UNC13C: variants seen among roughly 807,000 people sequenced by gnomAD.
UNC13C encodes unc-13 homolog C.
Under a neutral mutation model 245.4 loss-of-function variants are expected in UNC13C, and 174 were observed. The ratio of observed to expected loss-of-function variants is 0.71; its 90% CI spans 0.63 to 0.80. The LOEUF (loss-of-function observed/expected upper bound fraction) is 0.80, where lower values mean the gene tolerates loss of function less well. Ranked by LOEUF, UNC13C falls within the 30% of genes least tolerant of loss-of-function variation. UNC13C has a pLI of 0.00. For missense variants in UNC13C, 2,829 were observed against 2,602.9 expected (o/e 1.09, Z -1.89); for synonymous variants, 992 against 895.1 (o/e 1.11, Z -1.93).
intron 4 of UNC13C, among the ~76,000 whole-genome samples, chr15:54,216,118 A>T (rs1339973162): frequency 1.3e-5 from 2 of 151,904 alleles, no homozygotes. Context: ...AGGAAAGTGG[A>T]CAAGATTGGA....
chr15:54,045,858 G>T (rs1473298839), intron 2 of UNC13C, among the ~76,000 whole-genome samples: 1 of 152,096 alleles, frequency 6.6e-6, no homozygotes, highest in Non-Finnish European at 1.5e-5. Context: ...CAAAATGATG[G>T]TTTTTCTAAT....
intron 1 of UNC13C, among the ~76,000 whole-genome samples, chr15:54,001,025 A>G (rs1307672151): frequency 1.3e-5 from 2 of 152,310 alleles, no homozygotes; most frequent in Non-Finnish European, 2.9e-5. Context: ...TTAGGAGGGT[A>G]ATAGATTTGT....
At chr15:54,099,137 G>A (rs1900034438) in intron 2 of UNC13C, among the ~76,000 whole-genome samples, 1 of 152,162 alleles carries the variant, frequency 6.6e-6, no homozygotes. Context: ...CTTGACAAAG[G>A]GCAGTTTTGT....
At chr15:54,460,983 A>G (rs926324819) in intron 19 of UNC13C, among the ~76,000 whole-genome samples, 1 of 152,048 alleles carries the variant, frequency 6.6e-6, no homozygotes, top group Non-Finnish European at 1.5e-5. Flanking sequence ...AGTGGAACAT[A>G]TTTTATGTTT....
chr15:54,059,771 A>T (rs1444946537), intron 2 of UNC13C, among the ~76,000 whole-genome samples: 1 of 152,206 alleles, frequency 6.6e-6, no homozygotes, highest in Non-Finnish European at 1.5e-5. Context: ...AAATAGAGAT[A>T]TAGACCAATG....
Position 54,533,006 on chromosome 15 carries a change from A to G in UNC13C, c.5636A>G (p.Asn1879Ser), listed in dbSNP as rs758978907. The change falls in exon 26 of 33, where the codon AAC becomes AGC. Residue 1879 changes from asparagine (N) to serine (S), a missense_variant. Asn to Ser is a conservative substitution (Grantham distance 46). Transcript: ENST00000260323. ...AATGGAAACACCACATCTAATAAGA[A>G]CAGTGCAGCAATGGATGCAGAGATT... Reference protein sequence around the residue: ...RANGNTTSNKNSAAMDAEIVL... With the variant: ...RANGNTTSNKSSAAMDAEIVL... The G allele has an allele frequency of 1.9e-6, 3 of 1,601,308 alleles. No homozygotes were observed. Among genetic ancestry groups the G allele is most frequent in the Non-Finnish European group, 2.6e-6 (3 of 1,173,060 alleles).
intron 7 of UNC13C, among the ~76,000 whole-genome samples, chr15:54,243,234 G>A (rs912661044): frequency 4.0e-5 from 6 of 151,872 alleles, no homozygotes; most frequent in African/African-American, 1.5e-4. Flanking sequence ...AACATATGGG[G>A]CTTGGTTTTC....
chr15:54,027,399 C>T (rs1028828087), intron 2 of UNC13C, among the ~76,000 whole-genome samples: 1 of 152,150 alleles, frequency 6.6e-6, no homozygotes, highest in African/African-American at 2.4e-5. Flanking sequence ...GACAGAGTCT[C>T]GCTCTGTCGC....
chr15:54,234,711 G>A (rs1373091598), intron 4 of UNC13C, among the ~76,000 whole-genome samples: 1 of 152,130 alleles, frequency 6.6e-6, no homozygotes, highest in Admixed American at 6.6e-5. Flanking sequence ...CCTCCTGGAG[G>A]TAAGAAGTTC....
At chr15:53,897,621 T>C in the UNC13C span, among the ~76,000 whole-genome samples, 1 of 152,170 alleles carries the variant, frequency 6.6e-6, no homozygotes, top group Admixed American at 6.5e-5. Context: ...CTCAACTGAA[T>C]TGATCCACAA....
chr15:54,218,371 G>C (rs982636160), intron 4 of UNC13C, among the ~76,000 whole-genome samples: 1 of 151,974 alleles, frequency 6.6e-6, no homozygotes, highest in African/African-American at 2.4e-5. Flanking sequence ...GGATAGGGAG[G>C]AGATACTTAT....
intron 10 of UNC13C, among the ~76,000 whole-genome samples, chr15:54,273,709 T>C (rs2036753320): frequency 6.6e-6 from 1 of 152,114 alleles, no homozygotes; most frequent in Admixed American, 6.6e-5. Flanking sequence ...CTGAGTGTAG[T>C]ATTACACTAC....
At chr15:54,020,018 A>C (rs1455627232) in intron 2 of UNC13C, among the ~76,000 whole-genome samples, 1 of 152,164 alleles carries the variant, frequency 6.6e-6, no homozygotes, top group African/African-American at 2.4e-5. Flanking sequence ...ACAATTAAAA[A>C]CATAATAAAA....
At chr15:53,966,332 C>T in the UNC13C span, among the ~76,000 whole-genome samples, 1 of 152,276 alleles carries the variant, frequency 6.6e-6, no homozygotes, top group Non-Finnish European at 1.5e-5. Context: ...GTGATGTAAA[C>T]AACTATCAAT....
intron 10 of UNC13C, among the ~76,000 whole-genome samples, chr15:54,279,886 G>A (rs1410307108): frequency 6.6e-6 from 1 of 152,100 alleles, no homozygotes; most frequent in African/African-American, 2.4e-5. Context: ...GGATGGATGT[G>A]CTCCCTAAAA....
chr15:54,626,265 G>A (rs573797369), intron 32 of UNC13C, among the ~76,000 whole-genome samples: 39 of 151,156 alleles, frequency 2.6e-4, no homozygotes, highest in African/African-American at 8.9e-4. Context: ...GGAAAGAATC[G>A]GCATTGAATC....
chr15:54,111,609 A>C (rs989123086), intron 2 of UNC13C, among the ~76,000 whole-genome samples: 4 of 152,304 alleles, frequency 2.6e-5, no homozygotes, highest in Admixed American at 1.3e-4. Flanking sequence ...TTTAGTTCTG[A>C]GACACTTTGA....
At chr15:54,046,648 T>A (rs971423372) in intron 2 of UNC13C, among the ~76,000 whole-genome samples, 3 of 145,512 alleles carry the variant, frequency 2.1e-5, no homozygotes, top group South Asian at 2.1e-4. Context: ...ACATAGACAC[T>A]TTTTTTTACT....
At chr15:54,374,813 T>C (rs2039570583) in intron 17 of UNC13C, among the ~76,000 whole-genome samples, 1 of 152,230 alleles carries the variant, frequency 6.6e-6, no homozygotes, top group African/African-American at 2.4e-5. Flanking sequence ...GCAGCTGTCA[T>C]CTTCACAACA....
Sources: allele counts gnomAD v4.1 joint callset (sites outside exome capture counted in the v4.1 genomes callset), GRCh38; gene constraint gnomAD v4.1.1; transcripts MANE v1.5; gene names NCBI Gene and HGNC (gene_info 2026-07-23, HGNC 2026-07-21).